The following PHACTR4 variants were observed in gnomAD, a reference collection of about 807,000 sequenced individuals.
The protein encoded by PHACTR4 is protein phosphatase 1, regulatory subunit 124.
In PHACTR4, 51 loss-of-function variants were observed where a neutral mutation model predicts 72.7. That is an observed-to-expected ratio of 0.70 (90% CI 0.56 to 0.89). PHACTR4 has a LOEUF of 0.89. PHACTR4 is among the 40% of genes least tolerant of loss of function. PHACTR4 has a pLI of 0.00. For synonymous variants in PHACTR4, 255 were observed against 302.5 expected (o/e 0.84, Z 1.63); for missense variants, 731 against 861.8 (o/e 0.85, Z 1.90).
At position 28,404,794 on chromosome 1, in the gene PHACTR4, C is replaced by T. The variant is rs370638941; in HGVS notation, c.-38-2616C>T. Among the ~76,000 whole-genome samples, 38 of 152,298 alleles carry T rather than the reference C, an allele frequency of 2.5e-4. No homozygotes were observed. In the South Asian group the frequency reaches 6.8e-3, roughly 27 times the overall value. Reference sequence around the variant, plus strand: ...ACTTTTATTTTACGTTCAGGTTACACGTACACTTGCAGGTTTGTTATATAG... The same window carrying T: ...ACTTTTATTTTACGTTCAGGTTACATGTACACTTGCAGGTTTGTTATATAG... On this transcript the variant is annotated intron_variant, in intron 1 of 13. Transcript: ENST00000373839.
At position 28,421,064 on chromosome 1, in the gene PHACTR4, T is replaced by G. The variant is rs538777696; in HGVS notation, c.16+13601T>G. Among the ~76,000 whole-genome samples, 14 of 152,330 alleles carry G rather than the reference T, an allele frequency of 9.2e-5. 1 individual carries two copies. In the South Asian group the frequency reaches 2.9e-3, roughly 32 times the overall value. On this transcript the variant is annotated intron_variant, in intron 2 of 13. Coordinates refer to ENST00000373839, the MANE Select transcript of PHACTR4 (RefSeq NM_001048183.3). ...ATGTTCTTTTCTGTTGAACAATTTG[T>G]CAGTTTTTGTACCAGTTCTACAATG...
chr1:28,404,975 G>A (rs867971749), intron 1 of PHACTR4, among the ~76,000 whole-genome samples: 2 of 151,778 alleles, frequency 1.3e-5, no homozygotes, highest in Admixed American at 6.6e-5. Context: ...ATGTGTTCTC[G>A]GTTTAGCTCC....
At chr1:28,471,379 A>T (rs919854519) in intron 6 of PHACTR4, among the ~76,000 whole-genome samples, 1 of 152,192 alleles carries the variant, frequency 6.6e-6, no homozygotes, top group South Asian at 2.1e-4. Context: ...CTAGCCTTTT[A>T]CTTTGAACAT....
Position 28,408,007 on chromosome 1 carries a change from C to A in PHACTR4, c.16+544C>A, listed in dbSNP as rs369279790. ...TGGTGGCACACACCTGTAATCCCAG[C>A]TACTCTGGAGGCTGAAGCATGAGAA... On this transcript the variant is annotated intron_variant, in intron 2 of 13. Coordinates refer to ENST00000373839, the MANE Select transcript of PHACTR4 (RefSeq NM_001048183.3). Among the ~76,000 whole-genome samples, 407 of 152,304 alleles carry A rather than the reference C, an allele frequency of 2.7e-3. 19 individuals are homozygous for A. The South Asian group carries it at 0.082, about 31-fold the overall frequency.
rs1000437533 is a variant in PHACTR4 at position 28,386,610 on chromosome 1, G to A, written c.-39+16785G>A. Among the ~76,000 whole-genome samples, 13 of 152,192 alleles carry A rather than the reference G, an allele frequency of 8.5e-5. No individual in the cohort carries two copies. The East Asian group carries it at 2.3e-3, about 27-fold the overall frequency. On this transcript the variant is annotated intron_variant, in intron 1 of 13. Transcript: ENST00000373839. Reference sequence around the variant, plus strand: ...TTATGAATCTGGGTGCTCCTATGTTGGGTATATATATGTGGCGGTGTGAGC... The same window carrying A: ...TTATGAATCTGGGTGCTCCTATGTTAGGTATATATATGTGGCGGTGTGAGC...
intron 13 of PHACTR4, among the ~76,000 whole-genome samples, chr1:28,493,540 A>G (rs1312810049): frequency 1.4e-5 from 2 of 146,078 alleles, no homozygotes; most frequent in Admixed American, 6.9e-5. Flanking sequence ...CTCCATCTCA[A>G]AAAAAAAAAA....
chr1:28,434,977 C>CTG lies in PHACTR4; in HGVS notation c.17-24094_17-24093dup, dbSNP rs151162555. 1.1e-3 allele frequency among the ~76,000 whole-genome samples: 173 copies of CTG among 151,628 alleles called. 1 individual carries two copies. Among genetic ancestry groups the CTG allele is most frequent in the Admixed American group, 0.01 (158 of 15,208 alleles). On this transcript the variant is annotated intron_variant, in intron 2 of 13. Transcript: ENST00000373839. The stretch of plus-strand genomic sequence containing the variant: ...TAGATTAGAAGGTACTGTTTCTGGG[C>CTG]TGTGTGTGTGTGTGTATTTTCAATG...
rs1176474134 is a variant in PHACTR4, at chr1:28,453,415, AAAG to A, written c.17-5668_17-5666del. 15 of 268,486 alleles carry A rather than the reference AAAG, an allele frequency of 5.6e-5. No individual in the cohort carries two copies. In the East Asian group the frequency reaches 1.0e-3, roughly 18 times the overall value. The allele number at this position is 268,486 out of a possible 1,614,324, so 16.6% of individuals were successfully genotyped here. A position where few individuals can be genotyped will look rare whatever the true frequency, so the allele number is the denominator to read the frequency against. On this transcript the variant is annotated intron_variant, in intron 2 of 13. Transcript: ENST00000373839. ...TATAAGAAAAAGTTGAAAACGAAAA[AAAG>A]AGAAAACACAAGGAAAAGTTGAATC...
At chr1:28,400,376 TAA>T (rs60558818) in intron 1 of PHACTR4, among the ~76,000 whole-genome samples, 1,603 of 129,312 alleles carry the variant, frequency 0.012, 30 homozygotes, top group African/African-American at 0.039. Flanking sequence ...CCATCTCAAT[TAA>T]AAAAAAAAAA....
chr1:28,462,424 C>T (rs2124475739), intron 4 of PHACTR4, among the ~76,000 whole-genome samples: 1 of 152,052 alleles, frequency 6.6e-6, no homozygotes, highest in Middle Eastern at 3.4e-3. Flanking sequence ...CACCTTCAGT[C>T]TCTTTTGCCC....
chr1:28,404,879 A>G (rs1253832240), intron 1 of PHACTR4, among the ~76,000 whole-genome samples: 1 of 152,156 alleles, frequency 6.6e-6, no homozygotes, highest in Non-Finnish European at 1.5e-5. Context: ...GGTAATAACC[A>G]TAACACCTGA....
chr1:28,444,452 TCTC>T (rs1657289134), intron 2 of PHACTR4, among the ~76,000 whole-genome samples: 1 of 151,280 alleles, frequency 6.6e-6, no homozygotes, highest in Admixed American at 6.6e-5. Context: ...ATGGTCTTGA[TCTC>T]CTGACCTTGT....
intron 2 of PHACTR4, among the ~76,000 whole-genome samples, chr1:28,456,191 G>T (rs1158335129): frequency 6.6e-6 from 1 of 152,134 alleles, no homozygotes; most frequent in South Asian, 2.1e-4. Flanking sequence ...CCTGCTTCTG[G>T]GGAGGTCTCA....
intron 1 of PHACTR4, among the ~76,000 whole-genome samples, chr1:28,387,131 C>T (rs1051065823): frequency 7.2e-5 from 11 of 151,942 alleles, no homozygotes; most frequent in Admixed American, 3.3e-4. Context: ...CGTGGTGGCA[C>T]GCACCTATAG....
At chr1:28,479,050 G>A (rs190838343) in intron 8 of PHACTR4, among the ~76,000 whole-genome samples, 4 of 152,266 alleles carry the variant, frequency 2.6e-5, no homozygotes, top group South Asian at 2.1e-4. Context: ...TTGGGAGGCC[G>A]AGGCCGGTGA....
chr1:28,411,901 AAAAGAAAGAAAGAAAGAG>A (rs1654818554), intron 2 of PHACTR4, among the ~76,000 whole-genome samples: 1 of 152,012 alleles, frequency 6.6e-6, no homozygotes, highest in Non-Finnish European at 1.5e-5. Context: ...ACGAATGAAC[AAAAGAAAGAAAGAAAGAG>A]AAAGAAAGAA....
intron 8 of PHACTR4, 92 bp from the exon 9 acceptor site, chr1:28,480,359 T>C (rs1660202565): frequency 7.0e-7 from 1 of 1,421,436 alleles, no homozygotes; most frequent in African/African-American, 1.4e-5. Flanking sequence ...TTAAATATTG[T>C]ATTTGTTCAG....
In PHACTR4 at chr1:28,491,754, C is replaced by T; in HGVS notation, c.1983C>T (p.Asp661=). ...TDAQDYDRRA[D]KPWTKLTPAD... ...CTCAAGATTATGACCGGCGAGCCGA[C>T]AAACCTTGGACCAAACTGACCCCTG... Residue 661 remains aspartate, a synonymous_variant, in exon 12 of 14, where the codon GAC becomes GAT. Transcript: ENST00000373839. The T allele has an allele frequency of 6.2e-7, 1 of 1,614,110 alleles. No homozygotes were observed. The highest frequency in any genetic ancestry group is 1.7e-5 in the Admixed American group (1 of 60,000).
At chr1:28,462,517 A>G (rs1046153644) in intron 4 of PHACTR4, among the ~76,000 whole-genome samples, 2 of 151,936 alleles carry the variant, frequency 1.3e-5, no homozygotes, top group Non-Finnish European at 2.9e-5. Flanking sequence ...ATAGGCATGC[A>G]TCACCACACC....
Sources: allele counts gnomAD v4.1 joint callset (sites outside exome capture counted in the v4.1 genomes callset), GRCh38; gene constraint gnomAD v4.1.1; transcripts MANE v1.5; gene names NCBI Gene and HGNC (gene_info 2026-07-23, HGNC 2026-07-21).